ADSL: variants seen among roughly 807,000 people sequenced by gnomAD.
ADSL encodes the protein adenylosuccinase.
A neutral mutation model predicts 62.1 loss-of-function variants in ADSL; 44 were observed. The ratio of observed to expected loss-of-function variants is 0.71; its 90% CI spans 0.56 to 0.91. The LOEUF (loss-of-function observed/expected upper bound fraction) is 0.91, where lower values mean the gene tolerates loss of function less well. Ranked by LOEUF, ADSL falls within the 40% of genes least tolerant of loss-of-function variation. The pLI, the probability that ADSL is intolerant of heterozygous loss-of-function variation, is 0.00. For missense variants in ADSL, 531 were observed against 627.4 expected (o/e 0.85, Z 1.64); for synonymous variants, 198 against 220.5 (o/e 0.90, Z 0.90).
rs1326542336 is a variant in ADSL, at chr22:40,361,811, T to A, written c.1010+176T>A. On this transcript the variant is annotated intron_variant, in intron 9 of 12. Transcript: ENST00000623063. ...AGTGTGATAAGTGTTACAATTGGAG[T>A]GTGTACTGGGTACTGTGGAGCAAAG... is the stretch of plus-strand genomic sequence containing the variant. 3 of 837,258 alleles carry A rather than the reference T, an allele frequency of 3.6e-6. No individual in the cohort carries two copies. In the East Asian group the frequency reaches 8.0e-5, roughly 22 times the overall value. 51.9% of individuals were successfully genotyped at this position (837,258 alleles called of 1,614,324 possible).
At chr22:40,383,666 C>G (rs920628102) in intron 2 of ADSL, among the ~76,000 whole-genome samples, 7 of 151,894 alleles carry the variant, frequency 4.6e-5, no homozygotes, top group African/African-American at 1.7e-4. Flanking sequence ...TAGTGAGGGG[C>G]CCAGTTGGCT....
chr22:40,349,077 A>G (rs188236226), intron 1 of ADSL: 1 of 153,138 alleles, frequency 6.5e-6, no homozygotes, highest in African/African-American at 2.4e-5. Context: ...AATGGCCACC[A>G]TCATGCCAAG....
At chr22:40,363,127 G>A in intron 10 of ADSL, 56 bp downstream of exon 10, 2 of 1,531,820 alleles carry the variant, frequency 1.3e-6, no homozygotes, top group Non-Finnish European at 1.8e-6. Flanking sequence ...ATGTGGGAGG[G>A]AGGGTGCTCT....
In ADSL at chr22:40,354,284, A is replaced by G. The variant is rs746180694; in HGVS notation, c.439A>G (p.Lys147Glu). Residue 147 changes from lysine to glutamate, a missense_variant, in exon 4 of 13, where the codon AAG (lysine) becomes GAG (glutamate). By Grantham distance (56) the Lys-to-Glu change is moderately conservative. Around this residue, in one of 2 missense-constraint regions of ADSL, gnomAD observed 471 missense variants for 592.9 expected, o/e 0.79. Coordinates refer to ENST00000623063, the MANE Select transcript of ADSL (RefSeq NM_000026.4). ...GATCTCTCGGCTTGCCGACTTTGCT[A>G]AGGAACGAGCCAGTCTACCCACATT... Reference protein sequence around the residue: ...RVISRLADFAKERASLPTLGF... With the variant: ...RVISRLADFAEERASLPTLGF... The G allele has an allele frequency of 6.2e-6, 10 of 1,614,074 alleles. No homozygotes were observed. In the East Asian group the frequency reaches 2.0e-4, roughly 32 times the overall value.
chr22:40,369,156 A>ATTG lies in ADSL; in HGVS notation c.*2635_*2636insTGT, dbSNP rs2045105471. The stretch of plus-strand genomic sequence containing the variant: ...ACATTTCCTCATAGAAAATAAGGAA[A>ATTG]TAACAGTCTTGTTCCTGTCCTAACA... On this transcript the variant is annotated 3_prime_UTR_variant, in exon 13 of 13. Coordinates refer to ENST00000623063, the MANE Select transcript of ADSL (RefSeq NM_000026.4). The ATTG allele has an allele frequency of 6.6e-6, 1 of 152,176 alleles. No individual in the cohort carries two copies. The highest frequency in any genetic ancestry group is 1.5e-5 in the Non-Finnish European group (1 of 68,030). The allele number at this position is 152,176 out of a possible 1,614,324, so 9.4% of individuals were successfully genotyped here.
At chr22:40,377,898 A>G (rs2046914131) in intron 2 of ADSL, among the ~76,000 whole-genome samples, 1 of 151,934 alleles carries the variant, frequency 6.6e-6, no homozygotes, top group Non-Finnish European at 1.5e-5. Flanking sequence ...CCTGAAGAGG[A>G]GAGAAATCTT....
chr22:40,373,024 A>G (rs2045891957), downstream of ADSL: 1 of 152,200 alleles, frequency 6.6e-6, no homozygotes, highest in Admixed American at 6.5e-5. Flanking sequence ...GCCATCACAT[A>G]TTATACACAG....
chr22:40,370,268 C>G (rs187929526), downstream of ADSL, among the ~76,000 whole-genome samples: 407 of 149,534 alleles, frequency 2.7e-3, 3 homozygotes, highest in African/African-American at 9.7e-3. Flanking sequence ...AGGCAGAGAA[C>G]TGATTGAACC....
intron 4 of ADSL, among the ~76,000 whole-genome samples, chr22:40,354,834 A>T (rs1227089241): frequency 2.0e-5 from 3 of 151,780 alleles, no homozygotes; most frequent in Admixed American, 2.0e-4. Flanking sequence ...GCACCACTGC[A>T]TTCCAGTTTG....
intron 2 of ADSL, among the ~76,000 whole-genome samples, chr22:40,381,330 G>A (rs1217712536): frequency 6.6e-6 from 1 of 151,954 alleles, no homozygotes; most frequent in East Asian, 1.9e-4. Flanking sequence ...TAAATTTTTT[G>A]TAGTGATGAA....
intron 2 of ADSL, 123 bp from the exon 3 acceptor site, chr22:40,352,950 G>C (rs1032449876): frequency 5.3e-6 from 4 of 748,534 alleles, no homozygotes; most frequent in Middle Eastern, 2.3e-4. Flanking sequence ...GTGCTTAGTG[G>C]GTTGGTAGTG....
downstream of ADSL, among the ~76,000 whole-genome samples, chr22:40,370,842 G>A (rs1055981127): frequency 6.6e-5 from 10 of 152,302 alleles, no homozygotes; most frequent in Admixed American, 1.3e-4. Context: ...CCGGAGAGCC[G>A]CCGGGCCGAC....
rs397934210 is a variant in ADSL at position 40,364,076 on chromosome 22, C to CA, written c.1102-190dup. Among the ~76,000 whole-genome samples the CA allele has an allele frequency of 0.043, 5,111 of 117,656 alleles. 127 individuals are homozygous for CA. Among genetic ancestry groups the CA allele is most frequent in the Middle Eastern group, 0.079 (17 of 216 alleles). 77.2% of individuals were successfully genotyped at this position (117,656 alleles called of 152,430 possible). A position where few individuals can be genotyped will look rare whatever the true frequency, so the allele number is the denominator to read the frequency against. On this transcript the variant is annotated intron_variant, in intron 10 of 12. Coordinates refer to ENST00000623063, the MANE Select transcript of ADSL (RefSeq NM_000026.4). Reference sequence around the variant, plus strand: ...TGGGCGACAGAGTGAGACTCTGTCTCAAAAAAAAAAGAAAAAAAAAATCCG... The same window carrying CA: ...TGGGCGACAGAGTGAGACTCTGTCTCAAAAAAAAAAAGAAAAAAAAAATCCG...
chr22:40,346,736 T>C, intron 1 of ADSL, 25 bp downstream of exon 1: 4 of 1,584,094 alleles, frequency 2.5e-6, no homozygotes, highest in Non-Finnish European at 3.4e-6. Flanking sequence ...GCTGAGGGGC[T>C]GGGCCGGGAG....
downstream of ADSL, among the ~76,000 whole-genome samples, chr22:40,369,764 C>T (rs751775635): frequency 7.2e-5 from 11 of 152,230 alleles, no homozygotes; most frequent in East Asian, 1.9e-3. Flanking sequence ...CGGACTCCAG[C>T]ATCAGAACTA....
In ADSL at chr22:40,353,279, C is replaced by T. The variant is rs1040955948; in HGVS notation, c.402+162C>T. Reference sequence around the variant, plus strand: ...TAATCTGTAGAACTAATTGTTTCTTCTTCTCCTTTCTTCTTCTCTTCCTCC... The same window carrying T: ...TAATCTGTAGAACTAATTGTTTCTTTTTCTCCTTTCTTCTTCTCTTCCTCC... On this transcript the variant is annotated intron_variant, in intron 3 of 12. Coordinates refer to ENST00000623063, the MANE Select transcript of ADSL (RefSeq NM_000026.4). 6 of 710,642 alleles carry T rather than the reference C, an allele frequency of 8.4e-6. No individual in the cohort carries two copies. The East Asian group carries it at 1.3e-4, about 16-fold the overall frequency. The allele number at this position is 710,642 out of a possible 1,614,324, so 44.0% of individuals were successfully genotyped here.
chr22:40,364,314 G>A lies in ADSL; in HGVS notation c.1140G>A (p.Met380Ile), dbSNP rs949264068. Residue 380 changes from methionine (M) to isoleucine (I), a missense_variant, in exon 11 of 13, where the codon ATG becomes ATA. Transcript: ENST00000623063. Reference sequence around the variant, plus strand: ...GCATTCGGCAAGAGCTGCCTTTCATGGCCACAGAGAACATCATCATGGCCA... The same window carrying A: ...GCATTCGGCAAGAGCTGCCTTTCATAGCCACAGAGAACATCATCATGGCCA... ...ERRIRQELPF[M>I]ATENIIMAMV... The A allele has an allele frequency of 5.6e-6, 9 of 1,613,922 alleles. No homozygotes were observed. The highest frequency in any genetic ancestry group is 7.6e-6 in the Non-Finnish European group (9 of 1,180,016).
chr22:40,355,006 T>A (rs2044499983), intron 4 of ADSL, among the ~76,000 whole-genome samples: 1 of 152,224 alleles, frequency 6.6e-6, no homozygotes, highest in Non-Finnish European at 1.5e-5. Flanking sequence ...CAAATGCACT[T>A]AGGTTTGTGT....
At chr22:40,382,588 A>G (rs1409863244) in intron 2 of ADSL, among the ~76,000 whole-genome samples, 1 of 152,202 alleles carries the variant, frequency 6.6e-6, no homozygotes, top group African/African-American at 2.4e-5. Context: ...TTTTTATGAC[A>G]TAACCTCAGA....
Sources: gnomAD v4.1 joint callset for allele counts (sites outside exome capture counted in the v4.1 genomes callset) on GRCh38, gnomAD v4.1.1 for gene constraint, gnomAD v4.1.1 regional missense constraint, MANE v1.5 for transcripts, NCBI Gene and HGNC (gene_info 2026-07-23, HGNC 2026-07-21) for gene names.